OR56A3: variants seen among roughly 807,000 people sequenced by gnomAD.
The protein encoded by OR56A3 is olfactory receptor 56A3.
In OR56A3, 23 loss-of-function variants were observed where a neutral mutation model predicts 17.5. The observed-to-expected ratio is 1.32, with a 90% CI of 0.95 to 1.87. The LOEUF (loss-of-function observed/expected upper bound fraction) is 1.87, where lower values mean the gene tolerates loss of function less well. Ranked by LOEUF, OR56A3 falls within the 40% of genes most tolerant of loss-of-function variation. The pLI, the probability that OR56A3 is intolerant of heterozygous loss-of-function variation, is 0.00. For missense variants in OR56A3, 366 were observed against 380.1 expected (o/e 0.96, Z 0.31); for synonymous variants, 175 against 150.6 (o/e 1.16, Z -1.19).
chr11:6,013,039 C>G, the OR56A3 span, among the ~76,000 whole-genome samples: 3 of 152,236 alleles, frequency 2.0e-5, no homozygotes, highest in South Asian at 6.2e-4. Flanking sequence ...CGCAGAAAGG[C>G]CCGGGTCTAC....
the OR56A3 span, among the ~76,000 whole-genome samples, chr11:5,976,767 C>G: frequency 2.7e-4 from 41 of 152,042 alleles, no homozygotes; most frequent in Admixed American, 9.2e-4. Context: ...AGGTTTGTTA[C>G]ATGGATAAAT....
downstream of OR56A3, among the ~76,000 whole-genome samples, chr11:5,953,065 C>G (rs1284866464): frequency 6.6e-6 from 1 of 152,122 alleles, no homozygotes; most frequent in Admixed American, 6.6e-5. Flanking sequence ...TGATGGGCAC[C>G]TAGGCTGATT....
chr11:5,962,110 T>C, the OR56A3 span, among the ~76,000 whole-genome samples: 1 of 152,252 alleles, frequency 6.6e-6, no homozygotes, highest in Non-Finnish European at 1.5e-5. Flanking sequence ...GGAGTTTAAG[T>C]CTTGCCAAAT....
At chr11:5,995,790 A>T in the OR56A3 span, among the ~76,000 whole-genome samples, 1 of 152,202 alleles carries the variant, frequency 6.6e-6, no homozygotes, top group Non-Finnish European at 1.5e-5. Flanking sequence ...ACAATATGTC[A>T]TCATTAACTA....
the OR56A3 span, chr11:6,019,646 T>C: frequency 3.9e-5 from 6 of 152,216 alleles, no homozygotes; most frequent in Admixed American, 6.5e-5. Flanking sequence ...ATGAGAATTA[T>C]GGGTGCAGGA....
chr11:6,014,514 CCT>C, the OR56A3 span, among the ~76,000 whole-genome samples: 29 of 152,292 alleles, frequency 1.9e-4, no homozygotes, highest in Middle Eastern at 3.4e-3. Context: ...GTAAAAGCTC[CCT>C]GAGTCCTCAC....
chr11:6,019,063 A>C, the OR56A3 span, among the ~76,000 whole-genome samples: 14 of 152,050 alleles, frequency 9.2e-5, no homozygotes, highest in Non-Finnish European at 1.6e-4. Flanking sequence ...GCACAGGGAC[A>C]CAAAGTTTTA....
the OR56A3 span, among the ~76,000 whole-genome samples, chr11:5,983,567 A>G: frequency 3.9e-5 from 6 of 152,140 alleles, no homozygotes; most frequent in African/African-American, 1.4e-4. Context: ...AAGGATGAGA[A>G]GGCTCCCTCA....
At chr11:6,014,796 GA>G in the OR56A3 span, among the ~76,000 whole-genome samples, 2 of 151,998 alleles carry the variant, frequency 1.3e-5, no homozygotes, top group Non-Finnish European at 2.9e-5. Context: ...GTCTCAGATG[GA>G]AAAGAGGAAT....
At chr11:5,993,748 T>C in the OR56A3 span, 1 of 207,478 alleles carries the variant, frequency 4.8e-6, no homozygotes, top group African/African-American at 2.3e-5. Flanking sequence ...TAAAAATGAA[T>C]TTAATATGTT....
chr11:5,993,912 C>G, the OR56A3 span: 2 of 500,086 alleles, frequency 4.0e-6, no homozygotes, highest in Non-Finnish European at 7.6e-6. Context: ...GTCTCAGACA[C>G]CACTTTGCTG....
chr11:5,953,684 C>A (rs1847919470), downstream of OR56A3, among the ~76,000 whole-genome samples: 1 of 152,116 alleles, frequency 6.6e-6, no homozygotes, highest in Non-Finnish European at 1.5e-5. Flanking sequence ...CTGTCATTGA[C>A]ATAGTACTTA....
At chr11:5,965,389 C>T in the OR56A3 span, among the ~76,000 whole-genome samples, 88 of 152,108 alleles carry the variant, frequency 5.8e-4, 1 homozygote, top group African/African-American at 2.1e-3. Flanking sequence ...CACATCTTAC[C>T]CGTGGCCAAA....
chr11:5,967,749 A>T, the OR56A3 span: 1 of 1,607,032 alleles, frequency 6.2e-7, no homozygotes. Flanking sequence ...GAGGATGAGG[A>T]TGAAGTGGGA....
the OR56A3 span, among the ~76,000 whole-genome samples, chr11:5,981,415 T>A: frequency 6.6e-6 from 1 of 152,248 alleles, no homozygotes; most frequent in Non-Finnish European, 1.5e-5. Context: ...ACAGTAATCT[T>A]CAAGCTCTGA....
At chr11:6,017,490 G>A in the OR56A3 span, among the ~76,000 whole-genome samples, 1 of 152,146 alleles carries the variant, frequency 6.6e-6, no homozygotes, top group Non-Finnish European at 1.5e-5. Context: ...AACCTTACAG[G>A]TCAGGAGAGA....
At chr11:5,986,837 G>C in the OR56A3 span, 1 of 1,614,028 alleles carries the variant, frequency 6.2e-7, no homozygotes, top group Non-Finnish European at 8.5e-7. Flanking sequence ...ATCCCTACCA[G>C]GAGAAAAGAA....
chr11:6,006,335 G>T, the OR56A3 span: 1 of 152,126 alleles, frequency 6.6e-6, no homozygotes. Flanking sequence ...GAGAAATGAA[G>T]AATTGTTGAC....
chr11:6,018,040 G>GTATATA, the OR56A3 span, among the ~76,000 whole-genome samples: 7 of 20,876 alleles, frequency 3.4e-4, no homozygotes, highest in African/African-American at 9.0e-4. Flanking sequence ...GTGTGTGTGT[G>GTATATA]TATATATATA....
Sources: allele counts gnomAD v4.1 joint callset (sites outside exome capture counted in the v4.1 genomes callset), GRCh38; gene constraint gnomAD v4.1.1; transcripts MANE v1.5; gene names NCBI Gene and HGNC (gene_info 2026-07-23, HGNC 2026-07-21).